WDR59: variants seen among roughly 807,000 people sequenced by gnomAD.
WDR59 encodes GATOR2 complex protein WDR59.
WDR59 carries 100 observed loss-of-function variants against 131.2 expected under a neutral mutation model. That is an observed-to-expected ratio of 0.76 (90% confidence interval 0.65 to 0.90). WDR59 has a LOEUF of 0.90. Ranked by LOEUF, WDR59 falls within the 40% of genes least tolerant of loss-of-function variation. WDR59 has a pLI of 0.00. For missense variants in WDR59, 1,203 were observed against 1,262.2 expected (o/e 0.95, Z 0.71); for synonymous variants, 601 against 466.2 (o/e 1.29, Z -3.72).
At chr16:74,953,581 G>T (rs9319473) in intron 3 of WDR59, among the ~76,000 whole-genome samples, 82,301 of 151,950 alleles carry the variant, frequency 0.54, 23,172 homozygotes, top group East Asian at 0.76. Context: ...CAAGAATGCA[G>T]AAAGACAATC....
chr16:74,926,309 C>T (rs965688905), intron 8 of WDR59, among the ~76,000 whole-genome samples: 3 of 152,072 alleles, frequency 2.0e-5, no homozygotes, highest in Non-Finnish European at 4.4e-5. Context: ...CTGCCCACCT[C>T]GGCCTCCCAG....
Position 74,887,753 on chromosome 16 carries a change from A to G in WDR59, c.2349T>C (p.Pro783=), listed in dbSNP as rs1022773343. The stretch of plus-strand genomic sequence containing the variant: ...AGCAGGAACCAGAAGAGGTAAAGCT[A>G]GGCTACAGAAGGGAAGAGAAGAACC... ...SNLVVSHSRY[P]SFTSSGSCSS... Residue 783 remains proline, a splice_region_variant and synonymous_variant, in exon 23 of 26, where the codon CCT becomes CCC. Coordinates refer to ENST00000262144, the MANE Select transcript of WDR59 (RefSeq NM_030581.4). The G allele has an allele frequency of 1.2e-6, 2 of 1,613,942 alleles. No individual in the cohort carries two copies. Among genetic ancestry groups the G allele is most frequent in the East Asian group, 2.2e-5 (1 of 44,882 alleles).
chr16:74,889,993 G>T lies in WDR59; in HGVS notation c.2083-178C>A, dbSNP rs183372153. 1.4e-3 allele frequency among the ~76,000 whole-genome samples: 208 copies of T among 152,210 alleles called. 2 individuals are homozygous for T. The highest frequency in any genetic ancestry group is 2.8e-3 in the African/African-American group (116 of 41,532). Reference sequence around the variant, plus strand: ...CCCCACTTAGACCTACTGAATCAGCGTTTACACTTTAACCAACTCTTTAGG... The same window carrying T: ...CCCCACTTAGACCTACTGAATCAGCTTTTACACTTTAACCAACTCTTTAGG... On this transcript the variant is annotated intron_variant, in intron 20 of 25. Transcript: ENST00000262144.
At position 74,981,634 on chromosome 16, in the gene WDR59, ATATATATATATATATATATATATATAT is replaced by A. The variant is rs1203647662; in HGVS notation, c.54+3303_54+3329del. 1.8e-3 allele frequency among the ~76,000 whole-genome samples: 19 copies of A among 10,846 alleles called. 2 individuals are homozygous for A. Among genetic ancestry groups the A allele is most frequent in the Non-Finnish European group, 2.7e-3 (13 of 4,770 alleles). The allele number at this position is 10,846 out of a possible 152,430, so 7.1% of individuals were successfully genotyped here. On this transcript the variant is annotated intron_variant, in intron 1 of 25. Coordinates refer to ENST00000262144, the MANE Select transcript of WDR59 (RefSeq NM_030581.4). ...TTTACATATATATATATATATATAT[ATATATATATATATATATATATATATAT>A]TTTTTTTTTTTTTAGATGGAGTCTC...
In WDR59 at chr16:74,947,566, T is replaced by C. The variant is rs2032725204; in HGVS notation, c.445+953A>G. 3.3e-5 allele frequency among the ~76,000 whole-genome samples: 5 copies of C among 152,304 alleles called. No individual in the cohort carries two copies. In the South Asian group the frequency reaches 1.0e-3, roughly 32 times the overall value. ...CTTACAGGTATGGACTTTATTTAGA[T>C]TCTCACTGAAACCATTTTTCAAACA... is the stretch of plus-strand genomic sequence containing the variant. On this transcript the variant is annotated intron_variant, in intron 6 of 25. Coordinates refer to ENST00000262144, the MANE Select transcript of WDR59 (RefSeq NM_030581.4).
chr16:74,942,849 A>G (rs1248830429), intron 6 of WDR59, 23 bp from the exon 7 acceptor site: 2 of 1,609,562 alleles, frequency 1.2e-6, no homozygotes, highest in Admixed American at 3.3e-5. Context: ...ATCAGGGAAG[A>G]AAGCTGCTGC....
chr16:74,917,832 A>T, intron 11 of WDR59, 97 bp downstream of exon 11: 7 of 823,298 alleles, frequency 8.5e-6, no homozygotes, highest in Non-Finnish European at 7.2e-6. Context: ...AAAAAAAAAA[A>T]TTGTTTATCC....
chr16:74,923,580 C>T (rs539910950), intron 9 of WDR59, among the ~76,000 whole-genome samples: 5 of 152,160 alleles, frequency 3.3e-5, no homozygotes, highest in African/African-American at 4.8e-5. Flanking sequence ...CGGGTTCAAG[C>T]GATTCTCCTG....
chr16:74,945,016 C>T (rs961426903), intron 6 of WDR59, among the ~76,000 whole-genome samples: 7 of 151,698 alleles, frequency 4.6e-5, no homozygotes, highest in African/African-American at 7.3e-5. Flanking sequence ...CCCAGCTGCT[C>T]GGGAGGCTGA....
intron 25 of WDR59, among the ~76,000 whole-genome samples, chr16:74,882,829 A>AAAAAAAAAAAAAAAAAAAAG (rs1964563938): frequency 7.4e-6 from 1 of 135,486 alleles, no homozygotes; most frequent in African/African-American, 2.8e-5. Context: ...AAAAAAAAAA[A>AAAAAAAAAAAAAAAAAAAAG]AAAGAAAGAA....
chr16:74,972,516 G>A (rs1343622556), intron 1 of WDR59, among the ~76,000 whole-genome samples: 1 of 152,030 alleles, frequency 6.6e-6, no homozygotes, highest in African/African-American at 2.4e-5. Context: ...GTATGCATCG[G>A]CTTTGCAGTC....
intron 18 of WDR59, among the ~76,000 whole-genome samples, chr16:74,894,918 A>C (rs768431449): frequency 1.2e-4 from 18 of 152,222 alleles, no homozygotes; most frequent in Non-Finnish European, 2.2e-4. Context: ...TGTACTCTAG[A>C]AACATGTAAC....
At chr16:74,905,719 A>G (rs181000902) in intron 17 of WDR59, among the ~76,000 whole-genome samples, 147 of 151,350 alleles carry the variant, frequency 9.7e-4, no homozygotes, top group African/African-American at 3.4e-3. Context: ...AAAAAAATAA[A>G]ATAAAATAAA....
chr16:74,952,445 CAAAAAAAAAAAAA>C (rs61448932), intron 3 of WDR59, among the ~76,000 whole-genome samples: 1 of 62,718 alleles, frequency 1.6e-5, no homozygotes, highest in Non-Finnish European at 3.2e-5. Flanking sequence ...CCATCTCAAA[CAAAAAAAAAAAAA>C]AAAAAAAAGA....
In WDR59 at chr16:74,909,386, T is replaced by C. The variant is rs550122450; in HGVS notation, c.1642+115A>G. The C allele has an allele frequency of 4.6e-4, 612 of 1,331,906 alleles. 1 individual carries two copies. The Middle Eastern group carries it at 7.8e-3, about 17-fold the overall frequency. The allele number at this position is 1,331,906 out of a possible 1,614,324, so 82.5% of individuals were successfully genotyped here. A position where few individuals can be genotyped will look rare whatever the true frequency, so the allele number is the denominator to read the frequency against. ...TACCACGCTACCATGAAAGTCTCGT[T>C]TGAGTTCTCGGGAGTAAAAGCAAAC... On this transcript the variant is annotated intron_variant, in intron 16 of 25. Coordinates refer to ENST00000262144, the MANE Select transcript of WDR59 (RefSeq NM_030581.4).
chr16:74,910,647 T>C (rs1284734278), intron 14 of WDR59, among the ~76,000 whole-genome samples: 2 of 152,226 alleles, frequency 1.3e-5, no homozygotes, highest in Admixed American at 1.3e-4. Flanking sequence ...TTATAATGTA[T>C]ATTTTTTGTC....
At chr16:74,928,431 C>G (rs1197487801) in intron 8 of WDR59, among the ~76,000 whole-genome samples, 1 of 151,038 alleles carries the variant, frequency 6.6e-6, no homozygotes, top group Non-Finnish European at 1.5e-5. Context: ...GTTGCGCAGG[C>G]TGGTCTTGAA....
chr16:74,885,621 A>C, intron 25 of WDR59, 32 bp downstream of exon 25: 1 of 1,609,364 alleles, frequency 6.2e-7, no homozygotes, highest in Non-Finnish European at 8.5e-7. Context: ...TCTTTCAGAC[A>C]GTGAAAGGAA....
At chr16:74,935,996 C>CAA (rs879688847) in intron 8 of WDR59, among the ~76,000 whole-genome samples, 13 of 106,010 alleles carry the variant, frequency 1.2e-4, no homozygotes, top group Non-Finnish European at 1.6e-4. Flanking sequence ...GACTCCACCT[C>CAA]AAAAAAAAAA....
Sources: allele counts gnomAD v4.1 joint callset (sites outside exome capture counted in the v4.1 genomes callset), GRCh38; gene constraint gnomAD v4.1.1; transcripts MANE v1.5; gene names NCBI Gene and HGNC (gene_info 2026-07-23, HGNC 2026-07-21).